LANCL1: variants seen among roughly 807,000 people sequenced by gnomAD.
LANCL1 encodes glutathione S-transferase LANCL1.
A neutral mutation model predicts 50.6 loss-of-function variants in LANCL1; 50 were observed. The observed-to-expected ratio is 0.99, with a 90% CI of 0.79 to 1.25. The LOEUF (loss-of-function observed/expected upper bound fraction) is 1.25, where lower values mean the gene tolerates loss of function less well. LANCL1 is among the 50% of genes most tolerant of loss of function. The probability of loss-of-function intolerance (pLI) is 0.00; values close to 1 mark genes in which losing one functional copy is unlikely to be tolerated. For missense variants in LANCL1, 532 were observed against 480.7 expected, an observed-to-expected ratio of 1.11 and a Z score of -1.00; for synonymous variants, 188 against 178.6, an observed-to-expected ratio of 1.05 and a Z score of -0.42.
At position 210,440,606 on chromosome 2, in the gene LANCL1, G is replaced by A; in HGVS notation, c.682C>T (p.Leu228=). The change falls in exon 6 of 10, where the codon CTG becomes TTG. Residue 228 remains leucine (L), a synonymous_variant. Coordinates refer to ENST00000450366, the MANE Select transcript of LANCL1 (RefSeq NM_006055.3). ...AHGLAGIYYY[L]MQPSLQVSQG... Reference sequence around the variant, plus strand: ...CCATAATCACTCCTTACCTGCATCAGGTAGTAATAAATTCCAGCCAGGCCA... The same window carrying A: ...CCATAATCACTCCTTACCTGCATCAAGTAGTAATAAATTCCAGCCAGGCCA... 1.9e-6 allele frequency: 3 copies of A among 1,612,652 alleles called. No homozygotes were observed. The highest frequency in any genetic ancestry group is 2.5e-6 in the Non-Finnish European group (3 of 1,179,512).
chr2:210,441,360 A>G lies in LANCL1; in HGVS notation c.491T>C (p.Phe164Ser). Residue 164 changes from phenylalanine (F) to serine (S), a missense_variant, in exon 5 of 10, where the codon TTT becomes TCT. By Grantham distance (155) the Phe-to-Ser change is radical. Coordinates refer to ENST00000450366, the MANE Select transcript of LANCL1 (RefSeq NM_006055.3). ...GRIGYIYALLFVNKNFGVEKI... is the reference protein window; with the variant it reads ...GRIGYIYALLSVNKNFGVEKI... ...TTCCACTCCAAAGTTCTTATTGACA[A>G]AAAGAAGAGCATAGATGTAGCCTAT... The G allele has an allele frequency of 1.9e-6, 3 of 1,613,736 alleles. No individual in the cohort carries two copies. The highest frequency in any genetic ancestry group is 2.5e-6 in the Non-Finnish European group (3 of 1,179,732).
intron 4 of LANCL1, among the ~76,000 whole-genome samples, chr2:210,453,817 C>A (rs955061517): frequency 6.6e-6 from 1 of 152,132 alleles, no homozygotes. Context: ...AAGTCAGCTA[C>A]TATGGAAGGA....
At chr2:210,445,736 T>C (rs1325491182) in intron 4 of LANCL1, among the ~76,000 whole-genome samples, 1 of 152,214 alleles carries the variant, frequency 6.6e-6, no homozygotes, top group African/African-American at 2.4e-5. Flanking sequence ...TATGTTGATA[T>C]TAATGCAACC....
At chr2:210,461,557 A>G (rs1442215079) in intron 3 of LANCL1, among the ~76,000 whole-genome samples, 1 of 152,176 alleles carries the variant, frequency 6.6e-6, no homozygotes, top group Non-Finnish European at 1.5e-5. Flanking sequence ...TTGAAACACT[A>G]TAATGACTTG....
At chr2:210,458,014 T>C (rs1411799681) in intron 3 of LANCL1, among the ~76,000 whole-genome samples, 2 of 152,306 alleles carry the variant, frequency 1.3e-5, no homozygotes, top group South Asian at 2.1e-4. Flanking sequence ...GAAAATGTTC[T>C]TGAAGGGAAG....
intron 3 of LANCL1, 200 bp downstream of exon 3, chr2:210,471,759 C>A (rs1694229984): frequency 1.3e-6 from 1 of 745,322 alleles, no homozygotes; most frequent in Non-Finnish European, 2.5e-6. Flanking sequence ...CTTACCATGC[C>A]CTAAATTCAG....
intron 9 of LANCL1, 66 bp downstream of exon 9, chr2:210,435,321 A>G (rs1470537285): frequency 7.7e-7 from 1 of 1,290,934 alleles, no homozygotes; most frequent in African/African-American, 1.5e-5. Flanking sequence ...ACTTAAATAC[A>G]TTAATTACCA....
intron 2 of LANCL1, among the ~76,000 whole-genome samples, chr2:210,475,839 A>G (rs1053742995): frequency 3.3e-5 from 5 of 152,110 alleles, no homozygotes; most frequent in African/African-American, 1.2e-4. Flanking sequence ...CACCGGTACA[A>G]AGAACTTCAG....
chr2:210,451,272 A>G (rs1693503235), intron 4 of LANCL1, among the ~76,000 whole-genome samples: 1 of 151,882 alleles, frequency 6.6e-6, no homozygotes. Context: ...TAAGTGAACA[A>G]TGAGAACACA....
intron 3 of LANCL1, among the ~76,000 whole-genome samples, chr2:210,457,265 C>T (rs966258247): frequency 6.6e-6 from 1 of 152,122 alleles, no homozygotes; most frequent in Admixed American, 6.5e-5. Context: ...GAAAATAAGA[C>T]AAAATGTATT....
In LANCL1 at chr2:210,441,313, G is replaced by C; in HGVS notation, c.538C>G (p.Gln180Glu). ...GVEKIPQSHI[Q>E]QICETILTSG... ...AAAACACAAAAACGTGGTACCTGCTGAATATGGCTTTGAGGAATCTTTTCC... is the reference window on the plus strand; with the variant it reads ...AAAACACAAAAACGTGGTACCTGCTCAATATGGCTTTGAGGAATCTTTTCC... Residue 180 changes from glutamine (Q) to glutamate (E), a missense_variant, in exon 5 of 10, where the codon CAG (glutamine) becomes GAG (glutamate). Gln to Glu is a conservative substitution (Grantham distance 29). Coordinates refer to ENST00000450366, the MANE Select transcript of LANCL1 (RefSeq NM_006055.3). 1 of 1,611,858 alleles carries C rather than the reference G, an allele frequency of 6.2e-7. No individual in the cohort carries two copies. The highest frequency in any genetic ancestry group is 1.1e-5 in the South Asian group (1 of 90,702).
chr2:210,437,809 AG>A lies in LANCL1; in HGVS notation c.753del (p.Cys252AlafsTer3). On this transcript the variant is annotated frameshift_variant, in exon 7 of 10. Coordinates refer to ENST00000450366, the MANE Select transcript of LANCL1 (RefSeq NM_006055.3). LOFTEE classifies it high-confidence loss of function. ...HSLVKPSVDYVCQLKFPSGNY... is the reference protein window; with the variant it reads ...HSLVKPSVDYXCQLKFPSGNY... Reference sequence around the variant, plus strand: ...TTGCCAGAAGGGAATTTCAGCTGGCAGACGTAGTCTACACTGGGCTTGACCA... The same window carrying A: ...TTGCCAGAAGGGAATTTCAGCTGGCAACGTAGTCTACACTGGGCTTGACCA... The A allele has an allele frequency of 6.2e-7, 1 of 1,613,692 alleles. No individual in the cohort carries two copies. The highest frequency in any genetic ancestry group is 2.2e-5 in the East Asian group (1 of 44,820).
chr2:210,455,515 G>T (rs1464243285), intron 3 of LANCL1, among the ~76,000 whole-genome samples: 1 of 152,048 alleles, frequency 6.6e-6, no homozygotes, highest in Non-Finnish European at 1.5e-5. Context: ...CCACTTACTT[G>T]TCCTCAGTTT....
intron 4 of LANCL1, among the ~76,000 whole-genome samples, chr2:210,447,935 T>C (rs1693394440): frequency 6.6e-6 from 1 of 152,090 alleles, no homozygotes; most frequent in Non-Finnish European, 1.5e-5. Flanking sequence ...CTGTCAATAT[T>C]AGACAGATCA....
At position 210,474,875 on chromosome 2, in the gene LANCL1, G is replaced by C. The variant is rs114271185; in HGVS notation, c.81+1441C>G. ...ACTGTTCTCTTTGCCAAGTCAGTAT[G>C]AAGCAGCAAGTCCTCCTCCCGCAAG... On this transcript the variant is annotated intron_variant, in intron 2 of 9. Coordinates refer to ENST00000450366, the MANE Select transcript of LANCL1 (RefSeq NM_006055.3). Among the ~76,000 whole-genome samples the C allele has an allele frequency of 9.2e-3, 1,394 of 152,258 alleles. 18 individuals are homozygous for C. Among genetic ancestry groups the C allele is most frequent in the African/African-American group, 0.029 (1,221 of 41,548 alleles).
At chr2:210,447,804 G>A (rs753189843) in intron 4 of LANCL1, among the ~76,000 whole-genome samples, 11 of 152,178 alleles carry the variant, frequency 7.2e-5, no homozygotes, top group Non-Finnish European at 1.3e-4. Context: ...AAGAAGAGCT[G>A]AATATCCTAA....
At chr2:210,460,832 T>C (rs1243542283) in intron 3 of LANCL1, 1 of 152,150 alleles carries the variant, frequency 6.6e-6, no homozygotes, top group Non-Finnish European at 1.5e-5. Context: ...AATTTAATAA[T>C]ATTGCCCCAA....
Position 210,434,119 on chromosome 2 carries a change from T to A in LANCL1, c.*368A>T, listed in dbSNP as rs1171126067. On this transcript the variant is annotated 3_prime_UTR_variant, in exon 10 of 10. Coordinates refer to ENST00000450366, the MANE Select transcript of LANCL1 (RefSeq NM_006055.3). ...ATACCCAATAATAGTCACATATTTA[T>A]CTTTATCTGTATTGAGTTTCTTTTA... 2 of 159,976 alleles carry A rather than the reference T, an allele frequency of 1.3e-5. No homozygotes were observed. Among genetic ancestry groups the A allele is most frequent in the African/African-American group, 4.8e-5 (2 of 41,908 alleles). 9.9% of individuals were successfully genotyped at this position (159,976 alleles called of 1,614,324 possible). A position where few individuals can be genotyped will look rare whatever the true frequency, so the allele number is the denominator to read the frequency against.
At chr2:210,441,511 G>C in intron 4 of LANCL1, 68 bp from the exon 5 acceptor site, 1 of 1,358,658 alleles carries the variant, frequency 7.4e-7, no homozygotes, top group South Asian at 1.5e-5. Context: ...CTTAAAAATG[G>C]TACATTGAAA....
Sources: gnomAD v4.1 joint callset for allele counts (sites outside exome capture counted in the v4.1 genomes callset) on GRCh38, gnomAD v4.1.1 for gene constraint, MANE v1.5 for transcripts, NCBI Gene and HGNC (gene_info 2026-07-23, HGNC 2026-07-21) for gene names.